Variants in MRS2 observed in about 807,000 individuals in gnomAD.
MRS2 encodes magnesium transporter MRS2.
Under a neutral mutation model 52.6 loss-of-function variants are expected in MRS2, and 40 were observed. That is an observed-to-expected ratio of 0.76 (90% CI 0.59 to 0.99). The LOEUF (loss-of-function observed/expected upper bound fraction) is 0.99. Ranked by LOEUF, MRS2 falls within the 50% of genes least tolerant of loss-of-function variation. The pLI is 0.00. For missense variants in MRS2, 472 were observed against 532.7 expected (o/e 0.89, Z 1.12); for synonymous variants, 193 against 195.9 (o/e 0.98, Z 0.13).
Position 24,403,149 on chromosome 6 carries a change from C to T in MRS2, c.103C>T (p.Pro35Ser), listed in dbSNP as rs2295651. Reference protein sequence around the residue: ...LALDVTSVGPPVAACGRRANL... With the variant: ...LALDVTSVGPSVAACGRRANL... ...CTTGGACGTGACCTCTGTGGGTCCT[C>T]CCGTTGCTGCCTGCGGCCGCCGAGC... Residue 35 changes from proline (P) to serine (S), a missense_variant, in exon 1 of 11, where the codon CCC (proline) becomes TCC (serine). Pro to Ser is a moderately conservative substitution (Grantham distance 74, BLOSUM62 -1). Coordinates refer to ENST00000378386, the MANE Select transcript of MRS2 (RefSeq NM_020662.4). 30,277 of 1,610,630 alleles carry T rather than the reference C, an allele frequency of 0.019. 1,272 individuals are homozygous for T. The highest frequency in any genetic ancestry group is 0.14 in the East Asian group (6,298 of 44,848).
At chr6:24,412,732 T>G (rs908743019) in intron 5 of MRS2, among the ~76,000 whole-genome samples, 1 of 152,224 alleles carries the variant, frequency 6.6e-6, no homozygotes, top group Non-Finnish European at 1.5e-5. Context: ...TAGATTGACA[T>G]AGGAATCACG....
chr6:24,410,204 C>T (rs539776936), intron 4 of MRS2, among the ~76,000 whole-genome samples: 2 of 152,254 alleles, frequency 1.3e-5, no homozygotes, highest in African/African-American at 4.8e-5. Context: ...CTCTGAAACT[C>T]CCGACCTCAG....
chr6:24,418,742 T>G, intron 9 of MRS2, 164 bp downstream of exon 9: 1 of 509,806 alleles, frequency 2.0e-6, no homozygotes, highest in South Asian at 2.0e-5. Flanking sequence ...CTACTAAAAA[T>G]ACAAAAATTA....
At chr6:24,419,754 T>C (rs1015582730) in intron 9 of MRS2, among the ~76,000 whole-genome samples, 1 of 152,198 alleles carries the variant, frequency 6.6e-6, no homozygotes, top group African/African-American at 2.4e-5. Flanking sequence ...CCAAGAAGAA[T>C]TGGTTACAGG....
chr6:24,403,870 CTGAGT>C (rs544170436), intron 1 of MRS2, among the ~76,000 whole-genome samples: 116 of 152,242 alleles, frequency 7.6e-4, no homozygotes, highest in African/African-American at 2.7e-3. Flanking sequence ...AGGCTAAAGA[CTGAGT>C]TGTTTCTGAG....
At position 24,408,448 on chromosome 6, in the gene MRS2, A is replaced by G; in HGVS notation, c.301+4A>G. On this transcript the variant is annotated splice_donor_region_variant and intron_variant, in intron 3 of 10. Transcript: ENST00000378386. Reference sequence around the variant, plus strand: ...CAGGGAAACGTTACTTCTTTTGGTGAGTGATTAGCATTCTAAATCATTTTT... The same window carrying G: ...CAGGGAAACGTTACTTCTTTTGGTGGGTGATTAGCATTCTAAATCATTTTT... The G allele has an allele frequency of 3.2e-6, 5 of 1,575,144 alleles. No individual in the cohort carries two copies. The highest frequency in any genetic ancestry group is 4.4e-6 in the Non-Finnish European group (5 of 1,146,128).
intron 4 of MRS2, among the ~76,000 whole-genome samples, chr6:24,411,726 A>G (rs1761660209): frequency 6.6e-6 from 1 of 152,006 alleles, no homozygotes; most frequent in African/African-American, 2.4e-5. Context: ...TTTAGTAGAG[A>G]CGGGGTTTCA....
At position 24,425,680 on chromosome 6, in the gene MRS2, A is replaced by AGT. The variant is rs1337646319; in HGVS notation, c.*1988_*1989dup. Reference sequence around the variant, plus strand: ...TAGGTACCAAACACTGGGTTATGTGAGTGAGTAAGCAATCATATCGCCTGT... The same window carrying AGT: ...TAGGTACCAAACACTGGGTTATGTGAGTGTGAGTAAGCAATCATATCGCCTGT... On this transcript the variant is annotated 3_prime_UTR_variant, in exon 11 of 11. Transcript: ENST00000378386. 5 of 152,214 alleles carry AGT rather than the reference A, an allele frequency of 3.3e-5. No individual in the cohort carries two copies. The highest frequency in any genetic ancestry group is 1.2e-4 in the African/African-American group (5 of 41,464). The allele number at this position is 152,214 out of a possible 1,614,324, so 9.4% of individuals were successfully genotyped here. A position where few individuals can be genotyped will look rare whatever the true frequency, so the allele number is the denominator to read the frequency against.
At position 24,422,992 on chromosome 6, in the gene MRS2, T is replaced by TC. The variant is rs1386426403; in HGVS notation, c.1164dup (p.Trp389LeufsTer25). 6.2e-7 allele frequency: 1 copy of TC among 1,614,012 alleles called. No homozygotes were observed. The highest frequency in any genetic ancestry group is 2.2e-5 in the East Asian group (1 of 44,894). ...ATTATGTTCATGGGAAGTGGCCTCA[T>TC]CTGGAGGCGCCTGCTTTCATTCCTT... On this transcript the variant is annotated frameshift_variant, in exon 10 of 11. Transcript: ENST00000378386. LOFTEE classifies it high-confidence loss of function.
intron 4 of MRS2, among the ~76,000 whole-genome samples, chr6:24,411,724 A>T (rs1354872986): frequency 1.3e-5 from 2 of 152,098 alleles, no homozygotes; most frequent in African/African-American, 4.8e-5. Flanking sequence ...TTTTTAGTAG[A>T]GACGGGGTTT....
chr6:24,407,243 T>C (rs1409883898), intron 2 of MRS2, among the ~76,000 whole-genome samples: 1 of 152,246 alleles, frequency 6.6e-6, no homozygotes, highest in Non-Finnish European at 1.5e-5. Flanking sequence ...TTGTGAAATA[T>C]AAGGCTGAAA....
chr6:24,403,680 A>C (rs1761365709), intron 1 of MRS2, among the ~76,000 whole-genome samples: 2 of 152,004 alleles, frequency 1.3e-5, no homozygotes, highest in African/African-American at 2.4e-5. Context: ...TAGCCTCGCA[A>C]AGCGCTGGGA....
At chr6:24,418,051 G>A in intron 7 of MRS2, 33 bp from the exon 8 acceptor site, 1 of 1,589,712 alleles carries the variant, frequency 6.3e-7, no homozygotes, top group East Asian at 2.2e-5. Flanking sequence ...CACATGTTGG[G>A]AGTATGTTAA....
At chr6:24,404,559 A>G (rs577021540) in intron 1 of MRS2, among the ~76,000 whole-genome samples, 1 of 152,320 alleles carries the variant, frequency 6.6e-6, no homozygotes, top group African/African-American at 2.4e-5. Context: ...ACTTGATTAT[A>G]CTTCACCGCT....
At chr6:24,407,045 T>A (rs573807971) in intron 2 of MRS2, among the ~76,000 whole-genome samples, 3 of 151,878 alleles carry the variant, frequency 2.0e-5, no homozygotes, top group Non-Finnish European at 4.4e-5. Flanking sequence ...ATTCAGCATA[T>A]GTTGCTAATT....
At chr6:24,412,167 A>G (rs1387982282) in intron 4 of MRS2, 55 bp from the exon 5 acceptor site, 1 of 986,648 alleles carries the variant, frequency 1.0e-6, no homozygotes, top group Non-Finnish European at 1.5e-6. Flanking sequence ...ATATACATGC[A>G]TGTGTGTATA....
intron 10 of MRS2, 21 bp downstream of exon 10, chr6:24,423,071 G>C: frequency 6.3e-7 from 1 of 1,588,710 alleles, no homozygotes; most frequent in South Asian, 1.1e-5. Context: ...TATGGTTCAC[G>C]GCGGTATTGT....
intron 4 of MRS2, among the ~76,000 whole-genome samples, chr6:24,410,547 T>G (rs2793421): frequency 0.99 from 150,484 of 152,276 alleles, 74,386 homozygotes; most frequent in East Asian, 1. Flanking sequence ...TGGGCCAGTA[T>G]TGGTAGCATG....
At chr6:24,413,446 G>C (rs7757601) in intron 5 of MRS2, among the ~76,000 whole-genome samples, 1 of 152,090 alleles carries the variant, frequency 6.6e-6, no homozygotes, top group South Asian at 2.1e-4. Context: ...ATAAGTTTTC[G>C]AACAAGGGAA....
Sources: gnomAD v4.1 joint callset for allele counts (sites outside exome capture counted in the v4.1 genomes callset) on GRCh38, gnomAD v4.1.1 for gene constraint, MANE v1.5 for transcripts, NCBI Gene and HGNC (gene_info 2026-07-23, HGNC 2026-07-21) for gene names.